Variants in MACROD2 observed in about 807,000 individuals in gnomAD.
The protein encoded by MACROD2 is ADP-ribose glycohydrolase MACROD2.
Under a neutral mutation model 70.4 loss-of-function variants are expected in MACROD2, and 36 were observed. That is an observed-to-expected ratio of 0.51 (90% CI 0.39 to 0.68). The LOEUF (loss-of-function observed/expected upper bound fraction) is 0.68. Among genes scored for constraint, MACROD2 ranks in the 30% least tolerant of loss-of-function variants. The pLI is 0.00. For missense variants in MACROD2, 496 were observed against 538.4 expected, an observed-to-expected ratio of 0.92 and a Z score of 0.78; for synonymous variants, 172 against 178.8, an observed-to-expected ratio of 0.96 and a Z score of 0.30.
chr20:15,038,763 T>G lies in MACROD2; in HGVS notation c.419-191177T>G, dbSNP rs185447774. 3.9e-3 allele frequency among the ~76,000 whole-genome samples: 601 copies of G among 152,306 alleles called. 8 individuals are homozygous for G. The highest frequency in any genetic ancestry group is 0.014 in the African/African-American group (579 of 41,554). On this transcript the variant is annotated intron_variant, in intron 5 of 17. Transcript: ENST00000684519. The stretch of plus-strand genomic sequence containing the variant: ...TAGTTGGATGATCTGAAGACATCTT[T>G]TGATGCAGTTTGGGTTGAGGAAGGC...
At chr20:14,434,596 C>T (rs1468851482) in intron 3 of MACROD2, among the ~76,000 whole-genome samples, 1 of 152,184 alleles carries the variant, frequency 6.6e-6, no homozygotes. Context: ...GTGAGTCAAG[C>T]ACATTGCTCC....
chr20:15,871,948 T>C (rs2064591006), intron 9 of MACROD2, among the ~76,000 whole-genome samples: 1 of 152,166 alleles, frequency 6.6e-6, no homozygotes. Context: ...ACCCATGCCA[T>C]GGATTCATCA....
intron 8 of MACROD2, among the ~76,000 whole-genome samples, chr20:15,702,605 C>A (rs1047028626): frequency 2.6e-5 from 4 of 152,008 alleles, no homozygotes; most frequent in African/African-American, 9.7e-5. Context: ...ATATTTTCTC[C>A]CATTCTGTAG....
chr20:14,366,151 T>C (rs972306151), intron 3 of MACROD2, among the ~76,000 whole-genome samples: 2 of 152,166 alleles, frequency 1.3e-5, no homozygotes, highest in African/African-American at 4.8e-5. Flanking sequence ...TGTATTTCCT[T>C]ATTAATCTCA....
At chr20:15,389,935 A>G (rs1206997197) in intron 6 of MACROD2, among the ~76,000 whole-genome samples, 1 of 152,230 alleles carries the variant, frequency 6.6e-6, no homozygotes, top group Non-Finnish European at 1.5e-5. Flanking sequence ...CAATATTTAA[A>G]ACACAAAGTA....
chr20:15,052,059 C>T (rs979964463), intron 5 of MACROD2, among the ~76,000 whole-genome samples: 4 of 152,004 alleles, frequency 2.6e-5, no homozygotes, highest in Non-Finnish European at 5.9e-5. Flanking sequence ...CCGGCCTATA[C>T]CATCTTTTTA....
At chr20:15,490,102 TCA>T (rs2047209007) in intron 7 of MACROD2, among the ~76,000 whole-genome samples, 1 of 150,698 alleles carries the variant, frequency 6.6e-6, no homozygotes, top group Admixed American at 6.6e-5. Context: ...CATGACAAAG[TCA>T]CACCATACTT....
chr20:15,769,471 A>C (rs1265638782), intron 8 of MACROD2, among the ~76,000 whole-genome samples: 2 of 152,282 alleles, frequency 1.3e-5, no homozygotes, highest in East Asian at 1.9e-4. Flanking sequence ...ATTATTAACT[A>C]TTATGTATGT....
chr20:15,845,234 TAAG>T (rs1282642929), intron 8 of MACROD2, among the ~76,000 whole-genome samples: 63 of 152,252 alleles, frequency 4.1e-4, no homozygotes, highest in African/African-American at 1.3e-3. Flanking sequence ...GCTGTTCTTA[TAAG>T]AAGATCACCT....
intron 4 of MACROD2, among the ~76,000 whole-genome samples, chr20:14,545,890 T>A (rs749720928): frequency 6.6e-6 from 1 of 152,230 alleles, no homozygotes; most frequent in Non-Finnish European, 1.5e-5. Flanking sequence ...GATATCTGTA[T>A]ACATGTGCAC....
chr20:14,553,604 T>C (rs1351041797), intron 4 of MACROD2, among the ~76,000 whole-genome samples: 2 of 152,088 alleles, frequency 1.3e-5, no homozygotes, highest in East Asian at 3.9e-4. Flanking sequence ...CATTGTGCTA[T>C]GATGTCATGA....
chr20:14,486,087 C>G (rs1350285717), intron 3 of MACROD2, among the ~76,000 whole-genome samples: 4 of 152,090 alleles, frequency 2.6e-5, no homozygotes, highest in Non-Finnish European at 5.9e-5. Flanking sequence ...TACGATAATT[C>G]AAGAGCTGGA....
intron 3 of MACROD2, among the ~76,000 whole-genome samples, chr20:14,170,900 T>A (rs935406365): frequency 1.3e-5 from 2 of 152,164 alleles, no homozygotes; most frequent in African/African-American, 4.8e-5. Flanking sequence ...TCTTGTGAAG[T>A]AGTGTCAATA....
intron 5 of MACROD2, among the ~76,000 whole-genome samples, chr20:15,178,233 A>G (rs1163827928): frequency 6.6e-6 from 1 of 152,070 alleles, no homozygotes; most frequent in African/African-American, 2.4e-5. Context: ...CCTTCTCTTG[A>G]TATTGTATTA....
intron 3 of MACROD2, among the ~76,000 whole-genome samples, chr20:14,296,543 A>G (rs1394542734): frequency 6.6e-6 from 1 of 152,054 alleles, no homozygotes; most frequent in African/African-American, 2.4e-5. Context: ...GAAGCCACAC[A>G]TGAAAATATG....
rs1289649628 is a variant in MACROD2 at position 14,954,765 on chromosome 20, T to TATAAA, written c.418+269806_418+269807insATAAA. On this transcript the variant is annotated intron_variant, in intron 5 of 17. Coordinates refer to ENST00000684519, the MANE Select transcript of MACROD2 (RefSeq NM_001351661.2). The stretch of plus-strand genomic sequence containing the variant: ...TAAATTATAAATATATAAATAAATT[T>TATAAA]TATATAACATAAATTATAAATATAT... Among the ~76,000 whole-genome samples the TATAAA allele has an allele frequency of 2.4e-4, 6 of 24,962 alleles. No homozygotes were observed. In the East Asian group the frequency reaches 9.2e-3, roughly 38 times the overall value. The allele number at this position is 24,962 out of a possible 152,430, so 16.4% of individuals were successfully genotyped here.
intron 5 of MACROD2, among the ~76,000 whole-genome samples, chr20:14,700,486 G>A (rs1227186809): frequency 6.6e-6 from 1 of 151,588 alleles, no homozygotes; most frequent in Non-Finnish European, 1.5e-5. Context: ...AGGCATAGAT[G>A]AGTAAGCTTG....
chr20:14,398,759 T>A (rs1339169951), intron 3 of MACROD2, among the ~76,000 whole-genome samples: 1 of 152,188 alleles, frequency 6.6e-6, no homozygotes, highest in East Asian at 1.9e-4. Flanking sequence ...TAATAGTCAA[T>A]TATCTTTTAA....
At chr20:14,594,852 A>G (rs954971496) in intron 4 of MACROD2, among the ~76,000 whole-genome samples, 1 of 152,242 alleles carries the variant, frequency 6.6e-6, no homozygotes, top group East Asian at 1.9e-4. Flanking sequence ...AGATTGCACC[A>G]CTGCACTCCA....
Sources: allele counts gnomAD v4.1 joint callset (sites outside exome capture counted in the v4.1 genomes callset), GRCh38; gene constraint gnomAD v4.1.1; transcripts MANE v1.5; gene names NCBI Gene and HGNC (gene_info 2026-07-23, HGNC 2026-07-21).